Variants in ERP27 observed in about 807,000 individuals in gnomAD.
The protein encoded by ERP27 is endoplasmic reticulum protein 27.
In ERP27, 23 loss-of-function variants were observed where a neutral mutation model predicts 27.7. The observed-to-expected ratio is 0.83, with a 90% CI of 0.60 to 1.18. The LOEUF (loss-of-function observed/expected upper bound fraction) is 1.18. ERP27 is among the 50% of genes most tolerant of loss of function. ERP27 has a pLI of 0.00. For synonymous variants in ERP27, 159 were observed against 118.3 expected (o/e 1.34, Z -2.23); for missense variants, 363 against 327.9 (o/e 1.11, Z -0.83).
chr12:14,934,587 T>C (rs1863747036), intron 3 of ERP27, among the ~76,000 whole-genome samples: 2 of 152,148 alleles, frequency 1.3e-5, no homozygotes, highest in Non-Finnish European at 2.9e-5. Flanking sequence ...ATAAAAAATG[T>C]TAAGTGACTG....
intron 3 of ERP27, among the ~76,000 whole-genome samples, chr12:14,933,215 T>C (rs779237039): frequency 1.3e-5 from 2 of 152,156 alleles, no homozygotes; most frequent in Non-Finnish European, 2.9e-5. Context: ...TCACATAGCA[T>C]GGGTTCCATG....
chr12:14,935,851 T>C (rs911336364), intron 2 of ERP27, among the ~76,000 whole-genome samples: 5 of 152,212 alleles, frequency 3.3e-5, no homozygotes, highest in Admixed American at 3.3e-4. Context: ...CCTGAGTAGC[T>C]GGGACTACAG....
chr12:14,917,105 T>C, intron 5 of ERP27, 73 bp downstream of exon 5: 1 of 1,577,906 alleles, frequency 6.3e-7, no homozygotes, highest in Non-Finnish European at 8.7e-7. Flanking sequence ...TATCTCTGCT[T>C]CCTAGCCCCA....
At chr12:14,924,681 A>G (rs555700419) in intron 3 of ERP27, among the ~76,000 whole-genome samples, 1 of 152,298 alleles carries the variant, frequency 6.6e-6, no homozygotes, top group East Asian at 1.9e-4. Flanking sequence ...GAATGAGCCT[A>G]TCGCTGTCAG....
chr12:14,920,248 A>G (rs1863480422), intron 4 of ERP27, among the ~76,000 whole-genome samples: 6 of 152,208 alleles, frequency 3.9e-5, no homozygotes, highest in Admixed American at 3.9e-4. Context: ...TGCATGCAGC[A>G]TGCAACACCA....
intron 6 of ERP27, among the ~76,000 whole-genome samples, chr12:14,915,009 C>A (rs1038093743): frequency 6.6e-6 from 1 of 152,180 alleles, no homozygotes; most frequent in Non-Finnish European, 1.5e-5. Context: ...TATATCCTAA[C>A]AAGCATCCTG....
At chr12:14,923,073 CAAAAA>C (rs34941606) in intron 3 of ERP27, among the ~76,000 whole-genome samples, 2 of 126,778 alleles carry the variant, frequency 1.6e-5, no homozygotes, top group Non-Finnish European at 3.5e-5. Context: ...AACTCTGTCT[CAAAAA>C]AAAAAAAAAA....
intron 2 of ERP27, among the ~76,000 whole-genome samples, chr12:14,936,285 G>T (rs1863772367): frequency 6.6e-6 from 1 of 152,188 alleles, no homozygotes; most frequent in Non-Finnish European, 1.5e-5. Flanking sequence ...TCCCTCTCTT[G>T]CCACTGTAGA....
intron 3 of ERP27, among the ~76,000 whole-genome samples, chr12:14,921,636 G>A (rs117947096): frequency 0.028 from 4,264 of 152,290 alleles, 87 homozygotes; most frequent in Non-Finnish European, 0.043. Context: ...TAAAACACAT[G>A]TAGAGAAAAA....
chr12:14,928,559 A>G lies in ERP27; in HGVS notation c.333+6297T>C, dbSNP rs60385540. ...TGCACTGAGGCATAAAATTGCAGCC[A>G]TTCATTCAGATGACAATTTAAGCAC... On this transcript the variant is annotated intron_variant, in intron 3 of 6. Transcript: ENST00000266397. Among the ~76,000 whole-genome samples the G allele has an allele frequency of 9.5e-3, 1,446 of 152,346 alleles. 20 individuals carry two copies. The highest frequency in any genetic ancestry group is 0.034 in the African/African-American group (1,393 of 41,574).
chr12:14,928,274 T>G (rs1476821830), intron 3 of ERP27, among the ~76,000 whole-genome samples: 1 of 152,160 alleles, frequency 6.6e-6, no homozygotes, highest in Non-Finnish European at 1.5e-5. Flanking sequence ...TCATGTTAGT[T>G]AAGGTAGGAG....
At chr12:14,922,298 C>A (rs564609845) in intron 3 of ERP27, among the ~76,000 whole-genome samples, 47 of 152,090 alleles carry the variant, frequency 3.1e-4, no homozygotes, top group African/African-American at 1.1e-3. Flanking sequence ...TCAACACTTG[C>A]TATTGTCAGT....
chr12:14,921,751 C>T (rs1565450040), intron 3 of ERP27, among the ~76,000 whole-genome samples: 1 of 152,142 alleles, frequency 6.6e-6, no homozygotes, highest in African/African-American at 2.4e-5. Flanking sequence ...GCTAGAACCC[C>T]TGAAGTCCTG....
intron 3 of ERP27, among the ~76,000 whole-genome samples, chr12:14,929,769 C>T (rs1030354975): frequency 2.6e-5 from 4 of 151,978 alleles, no homozygotes; most frequent in African/African-American, 9.7e-5. Flanking sequence ...CATTTGAATT[C>T]CCATGGAATT....
At chr12:14,937,207 T>C (rs1863785723) in intron 2 of ERP27, among the ~76,000 whole-genome samples, 1 of 152,142 alleles carries the variant, frequency 6.6e-6, no homozygotes, top group South Asian at 2.1e-4. Context: ...TTTCCAACTG[T>C]GTACGCAGAA....
chr12:14,920,289 G>A (rs1592273587), intron 4 of ERP27, among the ~76,000 whole-genome samples: 1 of 152,196 alleles, frequency 6.6e-6, no homozygotes, highest in South Asian at 2.1e-4. Flanking sequence ...GAAGGCTGAG[G>A]CATGGTGAGG....
At chr12:14,933,679 C>T (rs1863731163) in intron 3 of ERP27, among the ~76,000 whole-genome samples, 1 of 152,138 alleles carries the variant, frequency 6.6e-6, no homozygotes, top group African/African-American at 2.4e-5. Flanking sequence ...TCTTGATATT[C>T]CACCAACAAG....
At chr12:14,921,855 T>G (rs918511269) in intron 3 of ERP27, among the ~76,000 whole-genome samples, 1 of 152,210 alleles carries the variant, frequency 6.6e-6, no homozygotes, top group African/African-American at 2.4e-5. Context: ...TTTATACCTT[T>G]ATAACTTAAA....
Position 14,914,663 on chromosome 12 carries a change from T to A in ERP27, c.*72A>T. Reference sequence around the variant, plus strand: ...CCTAGTGATCCTGTTGTTTAGTGTCTCTGAGATTTGAGTTGTGCCTTTTTA... The same window carrying A: ...CCTAGTGATCCTGTTGTTTAGTGTCACTGAGATTTGAGTTGTGCCTTTTTA... On this transcript the variant is annotated 3_prime_UTR_variant, in exon 7 of 7. Coordinates refer to ENST00000266397, the MANE Select transcript of ERP27 (RefSeq NM_152321.4). The A allele has an allele frequency of 6.9e-7, 1 of 1,441,102 alleles. No individual in the cohort carries two copies. Among genetic ancestry groups the A allele is most frequent in the Non-Finnish European group, 9.7e-7 (1 of 1,034,972 alleles). The allele number at this position is 1,441,102 out of a possible 1,614,324, so 89.3% of individuals were successfully genotyped here. A position where few individuals can be genotyped will look rare whatever the true frequency, so the allele number is the denominator to read the frequency against.
Sources: gnomAD v4.1 joint callset for allele counts (sites outside exome capture counted in the v4.1 genomes callset) on GRCh38, gnomAD v4.1.1 for gene constraint, MANE v1.5 for transcripts, NCBI Gene and HGNC (gene_info 2026-07-23, HGNC 2026-07-21) for gene names.